The following DOK6 variants were observed in gnomAD, a reference collection of about 807,000 sequenced individuals.
DOK6 encodes the protein downstream of tyrosine kinase 6.
Under a neutral mutation model 44.0 loss-of-function variants are expected in DOK6, and 22 were observed. The observed-to-expected ratio is 0.50, with a 90% confidence interval of 0.36 to 0.71. The LOEUF (loss-of-function observed/expected upper bound fraction) is 0.71. Ranked by LOEUF, DOK6 falls within the 30% of genes least tolerant of loss-of-function variation. DOK6 has a pLI of 0.00. For synonymous variants in DOK6, 166 were observed against 145.5 expected, an observed-to-expected ratio of 1.14 and a Z score of -1.01; for missense variants, 340 against 416.4, an observed-to-expected ratio of 0.82 and a Z score of 1.60.
chr18:69,479,618 T>C (rs558182683), intron 1 of DOK6, among the ~76,000 whole-genome samples: 6 of 152,172 alleles, frequency 3.9e-5, no homozygotes, highest in Non-Finnish European at 7.4e-5. Flanking sequence ...TACAAGTTAA[T>C]ATTATGTAAC....
chr18:69,701,264 C>T (rs1986513445), intron 5 of DOK6, among the ~76,000 whole-genome samples: 1 of 152,236 alleles, frequency 6.6e-6, no homozygotes, highest in Non-Finnish European at 1.5e-5. Context: ...TGGTAATCAT[C>T]CTCAGCGCAG....
intron 1 of DOK6, among the ~76,000 whole-genome samples, chr18:69,422,144 T>C (rs1228702150): frequency 6.6e-6 from 1 of 152,104 alleles, no homozygotes; most frequent in Non-Finnish European, 1.5e-5. Context: ...CACATGTGTG[T>C]CTCCTGCTGC....
chr18:69,584,200 G>T (rs1950473185), intron 2 of DOK6, among the ~76,000 whole-genome samples: 1 of 151,720 alleles, frequency 6.6e-6, no homozygotes, highest in African/African-American at 2.4e-5. Context: ...ATTTAGTAAA[G>T]TTATCACCAT....
At chr18:69,656,267 T>G (rs1347246017) in intron 3 of DOK6, among the ~76,000 whole-genome samples, 3 of 152,168 alleles carry the variant, frequency 2.0e-5, no homozygotes, top group African/African-American at 7.2e-5. Flanking sequence ...AAAGATATTT[T>G]CAGAAACATA....
intron 1 of DOK6, among the ~76,000 whole-genome samples, chr18:69,505,040 C>T (rs1981145464): frequency 6.6e-6 from 1 of 152,182 alleles, no homozygotes; most frequent in Non-Finnish European, 1.5e-5. Flanking sequence ...CTGTTTGTAA[C>T]TTGTGACTTC....
intron 1 of DOK6, among the ~76,000 whole-genome samples, chr18:69,447,947 G>T (rs762854132): frequency 6.6e-6 from 1 of 152,152 alleles, no homozygotes; most frequent in Non-Finnish European, 1.5e-5. Flanking sequence ...AGAATGTATT[G>T]GTTCAGACAA....
At chr18:69,831,138 C>T (rs1300175545) in intron 7 of DOK6, 1 of 152,242 alleles carries the variant, frequency 6.6e-6, no homozygotes, top group Non-Finnish European at 1.5e-5. Flanking sequence ...CAGTCCAAGT[C>T]TGAAGGCCTG....
At chr18:69,431,984 A>G (rs2122424651) in intron 1 of DOK6, among the ~76,000 whole-genome samples, 1 of 152,132 alleles carries the variant, frequency 6.6e-6, no homozygotes, top group South Asian at 2.1e-4. Context: ...ACATTTAAAC[A>G]TCATACTTTA....
Position 69,659,796 on chromosome 18 carries a change from T to TG in DOK6, c.290-17936dup, listed in dbSNP as rs1452889725. The TG allele has an allele frequency of 6.2e-5, 8 of 128,496 alleles. 1 individual carries two copies. In the South Asian group the frequency reaches 8.9e-4, roughly 14 times the overall value. 8.0% of individuals were successfully genotyped at this position (128,496 alleles called of 1,614,324 possible). A position where few individuals can be genotyped will look rare whatever the true frequency, so the allele number is the denominator to read the frequency against. ...ATTAGATGGCCATCTGAAATCCTGG[T>TG]GGTTTTTTTTTCTGCTTTTTTTTTG... On this transcript the variant is annotated intron_variant, in intron 3 of 7. Coordinates refer to ENST00000382713, the MANE Select transcript of DOK6 (RefSeq NM_152721.6).
chr18:69,591,663 G>C (rs1020340281), intron 2 of DOK6, among the ~76,000 whole-genome samples: 5 of 151,988 alleles, frequency 3.3e-5, no homozygotes, highest in African/African-American at 1.2e-4. Context: ...GCATAACTGA[G>C]TAAATCAGTA....
chr18:69,791,455 G>T (rs941647329), intron 7 of DOK6, among the ~76,000 whole-genome samples: 2 of 152,160 alleles, frequency 1.3e-5, no homozygotes. Flanking sequence ...TTTAACTGGA[G>T]TGGGATGATA....
chr18:69,429,620 CATATATATATATATATATATATATAT>C lies in DOK6; in HGVS notation c.66+28329_66+28354del, dbSNP rs143819043. ...TCTATAAGGAAAATATTGAGGGATA[CATATATATATATATATATATATATAT>C]ATATATATATATATATATCTTATTA... On this transcript the variant is annotated intron_variant, in intron 1 of 7. Coordinates refer to ENST00000382713, the MANE Select transcript of DOK6 (RefSeq NM_152721.6). 7.9e-3 allele frequency among the ~76,000 whole-genome samples: 842 copies of C among 105,916 alleles called. 20 individuals carry two copies. Among genetic ancestry groups the C allele is most frequent in the African/African-American group, 0.026 (777 of 30,362 alleles). The allele number at this position is 105,916 out of a possible 152,430, so 69.5% of individuals were successfully genotyped here. A position where few individuals can be genotyped will look rare whatever the true frequency, so the allele number is the denominator to read the frequency against.
chr18:69,765,450 G>A (rs1979687755), intron 7 of DOK6, among the ~76,000 whole-genome samples: 1 of 152,124 alleles, frequency 6.6e-6, no homozygotes. Context: ...TAAATGAATT[G>A]GTTATTCCCT....
chr18:69,592,313 A>C (rs1003675704), intron 2 of DOK6, among the ~76,000 whole-genome samples: 18 of 151,982 alleles, frequency 1.2e-4, no homozygotes, highest in Non-Finnish European at 1.2e-4. Context: ...ACAAATTAAA[A>C]TAAAGATCTT....
chr18:69,462,254 A>G (rs771484254), intron 1 of DOK6, among the ~76,000 whole-genome samples: 14 of 152,136 alleles, frequency 9.2e-5, no homozygotes, highest in Non-Finnish European at 1.6e-4. Context: ...TTTTTTAACC[A>G]TGTGCTTTCA....
chr18:69,771,745 G>A (rs1979892317), intron 7 of DOK6, among the ~76,000 whole-genome samples: 1 of 151,740 alleles, frequency 6.6e-6, no homozygotes, highest in African/African-American at 2.4e-5. Flanking sequence ...CCTATGCATT[G>A]AATTGCTTTA....
intron 5 of DOK6, among the ~76,000 whole-genome samples, chr18:69,732,461 T>C (rs1978442133): frequency 6.6e-6 from 1 of 152,194 alleles, no homozygotes; most frequent in African/African-American, 2.4e-5. Context: ...TTTTTGATTC[T>C]GAATTTTTGA....
At chr18:69,643,859 A>G (rs535886517) in intron 3 of DOK6, 1 of 152,288 alleles carries the variant, frequency 6.6e-6, no homozygotes, top group Admixed American at 6.5e-5. Flanking sequence ...TGACATTCCC[A>G]CCAGATATCT....
chr18:69,759,389 AAAC>A lies in DOK6; in HGVS notation c.856+1519_856+1521del, dbSNP rs555501030. 3.1e-3 allele frequency among the ~76,000 whole-genome samples: 473 copies of A among 152,354 alleles called. 2 individuals are homozygous for A. Among genetic ancestry groups the A allele is most frequent in the Admixed American group, 6.8e-3 (104 of 15,308 alleles). On this transcript the variant is annotated intron_variant, in intron 7 of 7. Transcript: ENST00000382713. ...TGTTTAAATATTGATATTCACTTGA[AAAC>A]AAACTATAAAATGTTTAAATGAAAA...
Sources: allele counts gnomAD v4.1 joint callset (sites outside exome capture counted in the v4.1 genomes callset), GRCh38; gene constraint gnomAD v4.1.1; transcripts MANE v1.5; gene names NCBI Gene and HGNC (gene_info 2026-07-23, HGNC 2026-07-21).